The following TYROBP variants were observed in gnomAD, a reference collection of about 807,000 sequenced individuals.
TYROBP encodes TYRO protein tyrosine kinase-binding protein.
In TYROBP, 14 loss-of-function variants were observed where a neutral mutation model predicts 17.1. The ratio of observed to expected loss-of-function variants is 0.82; its 90% CI spans 0.54 to 1.28. The LOEUF (loss-of-function observed/expected upper bound fraction) is 1.28, where lower values mean the gene tolerates loss of function less well. Among genes scored for constraint, TYROBP ranks in the 50% most tolerant of loss-of-function variants. The pLI, the probability that TYROBP is intolerant of heterozygous loss-of-function variation, is 0.00. For synonymous variants in TYROBP, 73 were observed against 67.4 expected (o/e 1.08, Z -0.41); for missense variants, 161 against 151.4 (o/e 1.06, Z -0.33).
Position 35,907,233 on chromosome 19 carries a change from G to C in TYROBP, c.261C>G (p.Thr87=). The C allele has an allele frequency of 6.2e-7, 1 of 1,606,384 alleles. No homozygotes were observed. The highest frequency in any genetic ancestry group is 8.5e-7 in the Non-Finnish European group (1 of 1,176,802). ...AATRKQRITE[T]ESPYQELQGQ... ...GTTTTCTCACCTGATAAGGCGACTC[G>C]GTCTCAGTGATACGCTGTTTCCGGG... The change falls in exon 4 of 5, where the codon ACC becomes ACG. Residue 87 remains threonine (T), a synonymous_variant. Transcript: ENST00000262629.
At chr19:35,906,421 T>G (rs1250169725) in intron 4 of TYROBP, among the ~76,000 whole-genome samples, 1 of 152,062 alleles carries the variant, frequency 6.6e-6, no homozygotes, top group Non-Finnish European at 1.5e-5. Context: ...TAAAGAACAT[T>G]TACACTGCTC....
chr19:35,907,258 G>C lies in TYROBP; in HGVS notation c.236C>G (p.Thr79Ser). 1 of 1,610,080 alleles carries C rather than the reference G, an allele frequency of 6.2e-7. No individual in the cohort carries two copies. The highest frequency in any genetic ancestry group is 8.5e-7 in the Non-Finnish European group (1 of 1,178,458). ...GGTCTCAGTGATACGCTGTTTCCGG[G>C]TCGCTGCTGGAGGTGAGGGGTGTTG... is the stretch of plus-strand genomic sequence containing the variant. ...PRGRGAAEAA[T>S]RKQRITETES... The change falls in exon 4 of 5, where the codon ACC (threonine) becomes AGC (serine). Residue 79 changes from threonine (T) to serine (S), a missense_variant. Thr to Ser is a moderately conservative substitution (Grantham distance 58, BLOSUM62 1). Coordinates refer to ENST00000262629, the MANE Select transcript of TYROBP (RefSeq NM_003332.4).
At chr19:35,907,641 C>A (rs936762148) in intron 2 of TYROBP, 61 bp from the exon 3 acceptor site, 13 of 1,612,594 alleles carry the variant, frequency 8.1e-6, no homozygotes, top group Non-Finnish European at 1.1e-5. Flanking sequence ...GGGGGGTCAG[C>A]GGCAGGGAGG....
chr19:35,907,267 G>GGAGGT lies in TYROBP; in HGVS notation c.230-8_230-4dup. The GGAGGT allele has an allele frequency of 6.2e-7, 1 of 1,611,110 alleles. No homozygotes were observed. Among genetic ancestry groups the GGAGGT allele is most frequent in the South Asian group, 1.1e-5 (1 of 90,628 alleles). On this transcript the variant is annotated splice_polypyrimidine_tract_variant and splice_region_variant and intron_variant, in intron 3 of 4. Coordinates refer to ENST00000262629, the MANE Select transcript of TYROBP (RefSeq NM_003332.4). ...GATACGCTGTTTCCGGGTCGCTGCT[G>GGAGGT]GAGGTGAGGGGTGTTGTGGGGTGCA...
In TYROBP at chr19:35,907,753, G is replaced by A. The variant is rs1411691787; in HGVS notation, c.71C>T (p.Pro24Leu). Residue 24 changes from proline (P) to leucine (L), a missense_variant, in exon 2 of 5, where the codon CCT becomes CTT. By Grantham distance (98) the Pro-to-Leu change is moderately conservative. Transcript: ENST00000262629. Reference sequence around the variant, plus strand: ...ACCGCTCTGGGCCTGGGCCTGGACAGGACGGAGACCTGAGGAGGAAAAAGA... The same window carrying A: ...ACCGCTCTGGGCCTGGGCCTGGACAAGACGGAGACCTGAGGAGGAAAAAGA... ...PLLLAVSGLR[P>L]VQAQAQSDCS... 6 of 1,614,082 alleles carry A rather than the reference G, an allele frequency of 3.7e-6. No homozygotes were observed. In the South Asian group the frequency reaches 5.5e-5, roughly 15 times the overall value.
chr19:35,906,732 C>T (rs114090962), intron 4 of TYROBP, among the ~76,000 whole-genome samples: 2,193 of 146,106 alleles, frequency 0.015, 46 homozygotes, highest in African/African-American at 0.052. Context: ...TAACTCTTCA[C>T]GCTTTTTTTT....
rs528969263 is a variant in TYROBP at position 35,908,030 on chromosome 19, A to G, written c.61+138T>C. ...CTTGGGGGCTTGGGCTCTGGGAGAA[A>G]CCCACAGGCTTTGGGAGGTTGGGGA... On this transcript the variant is annotated intron_variant, in intron 1 of 4. Coordinates refer to ENST00000262629, the MANE Select transcript of TYROBP (RefSeq NM_003332.4). The G allele has an allele frequency of 9.2e-5, 78 of 849,814 alleles. No individual in the cohort carries two copies. In the African/African-American group the frequency reaches 1.1e-3, roughly 12 times the overall value. 52.6% of individuals were successfully genotyped at this position (849,814 alleles called of 1,614,324 possible).
intron 2 of TYROBP, 49 bp downstream of exon 2, chr19:35,907,681 A>T (rs1348637861): frequency 2.5e-6 from 4 of 1,612,966 alleles, no homozygotes. Flanking sequence ...AGACGGAGAC[A>T]GGGAGGTCTC....
At chr19:35,908,125 A>T in intron 1 of TYROBP, 43 bp downstream of exon 1, 1 of 1,582,352 alleles carries the variant, frequency 6.3e-7, no homozygotes, top group Non-Finnish European at 8.7e-7. Flanking sequence ...CCCCAAGCTG[A>T]GCCCAGGGAC....
At chr19:35,906,104 T>C (rs2146986677) in intron 4 of TYROBP, among the ~76,000 whole-genome samples, 1 of 150,828 alleles carries the variant, frequency 6.6e-6, no homozygotes, top group South Asian at 2.1e-4. Flanking sequence ...TGGGGCAACA[T>C]AGTGAGACCC....
chr19:35,908,278 C>G lies in TYROBP; in HGVS notation c.-50G>C, dbSNP rs371441146. 1 of 1,546,540 alleles carries G rather than the reference C, an allele frequency of 6.5e-7. No homozygotes were observed. Among genetic ancestry groups the G allele is most frequent in the Non-Finnish European group, 8.9e-7 (1 of 1,118,964 alleles). ...CAGTGTAAGGGCCGGTGGGATGTGG[C>G]GCAGCGTCCAGGCAAGTGAAGGAGG... On this transcript the variant is annotated 5_prime_UTR_variant, in exon 1 of 5. Coordinates refer to ENST00000262629, the MANE Select transcript of TYROBP (RefSeq NM_003332.4).
At chr19:35,906,643 C>T (rs188984802) in intron 4 of TYROBP, among the ~76,000 whole-genome samples, 2 of 152,034 alleles carry the variant, frequency 1.3e-5, no homozygotes, top group East Asian at 3.9e-4. Flanking sequence ...GGGTTTCTTC[C>T]AGAAAATTCC....
rs1328777780 is a variant in TYROBP at position 35,907,726 on chromosome 19, C to A, written c.94+4G>T. 1 of 1,613,914 alleles carries A rather than the reference C, an allele frequency of 6.2e-7. No individual in the cohort carries two copies. The highest frequency in any genetic ancestry group is 1.3e-5 in the African/African-American group (1 of 74,866). ...GAGAGAGGGACTGCTGGGTCTAGGC[C>A]TACCGCTCTGGGCCTGGGCCTGGAC... On this transcript the variant is annotated splice_donor_region_variant and intron_variant, in intron 2 of 4. Transcript: ENST00000262629.
chr19:35,907,994 G>A (rs1408288048), intron 1 of TYROBP, among the ~76,000 whole-genome samples, 174 bp downstream of exon 1: 4 of 152,184 alleles, frequency 2.6e-5, no homozygotes, highest in Admixed American at 6.5e-5. Flanking sequence ...TGCTTGTAGC[G>A]GACGACAAAA....
At chr19:35,904,767 A>G (rs909982663) in intron 4 of TYROBP, 133 bp from the exon 5 acceptor site, 2 of 784,402 alleles carry the variant, frequency 2.5e-6, no homozygotes, top group Non-Finnish European at 2.1e-6. Flanking sequence ...ATTCAAGTAC[A>G]TTCAATGTTC....
chr19:35,907,104 T>TG, intron 4 of TYROBP, 114 bp downstream of exon 4: 1 of 1,038,336 alleles, frequency 9.6e-7, no homozygotes, highest in African/African-American at 1.6e-5. Context: ...CTTCAAGGTT[T>TG]GGGGGTGCTT....
chr19:35,907,288 G>T, intron 3 of TYROBP, 24 bp from the exon 4 acceptor site: 1 of 1,612,564 alleles, frequency 6.2e-7, no homozygotes, highest in Non-Finnish European at 8.5e-7. Flanking sequence ...GTGTTGTGGG[G>T]TGCAGAGACA....
chr19:35,907,381 GT>G, intron 3 of TYROBP, 64 bp downstream of exon 3: 1 of 1,603,980 alleles, frequency 6.2e-7, no homozygotes, highest in Non-Finnish European at 8.5e-7. Context: ...AGATCTGGGA[GT>G]TTACCCAGCC....
chr19:35,906,630 G>C (rs1975730453), intron 4 of TYROBP, among the ~76,000 whole-genome samples: 1 of 151,932 alleles, frequency 6.6e-6, no homozygotes. Flanking sequence ...TCGTCCTAGG[G>C]CTGGGTTTCT....
Sources: allele counts gnomAD v4.1 joint callset (sites outside exome capture counted in the v4.1 genomes callset), GRCh38; gene constraint gnomAD v4.1.1; transcripts MANE v1.5; gene names NCBI Gene and HGNC (gene_info 2026-07-23, HGNC 2026-07-21).